The following ANKRD28 variants were observed in gnomAD, a reference collection of about 807,000 sequenced individuals.
ANKRD28 encodes the protein ankyrin repeat domain 28, also known as serine/threonine-protein phosphatase 6 regulatory ankyrin repeat subunit A.
A neutral mutation model predicts 126.5 loss-of-function variants in ANKRD28; 44 were observed. The observed-to-expected ratio is 0.35, with a 90% confidence interval of 0.27 to 0.45. The LOEUF is 0.45. ANKRD28 is among the 20% of genes least tolerant of loss of function. The pLI, the probability that ANKRD28 is intolerant of heterozygous loss-of-function variation, is 1.00. For missense variants in ANKRD28, 1,110 were observed against 1,316.6 expected, an observed-to-expected ratio of 0.84 and a Z score of 2.43; for synonymous variants, 442 against 468.5, an observed-to-expected ratio of 0.94 and a Z score of 0.73.
chr3:15,749,101 G>GTTTT (rs869266246), intron 4 of ANKRD28, among the ~76,000 whole-genome samples: 16 of 53,082 alleles, frequency 3.0e-4, no homozygotes, highest in South Asian at 7.4e-4. Flanking sequence ...TTATGTTTTT[G>GTTTT]TTTTTTTTTT....
chr3:15,819,771 T>C (rs2060904091), intron 1 of ANKRD28, among the ~76,000 whole-genome samples: 1 of 152,216 alleles, frequency 6.6e-6, no homozygotes, highest in South Asian at 2.1e-4. Flanking sequence ...CATTTTACTC[T>C]GCCAGTCTGT....
At chr3:15,755,078 T>G (rs1268356219) in intron 3 of ANKRD28, among the ~76,000 whole-genome samples, 1 of 151,892 alleles carries the variant, frequency 6.6e-6, no homozygotes, top group African/African-American at 2.4e-5. Context: ...GCAGTGAGCC[T>G]AGACCGTGCC....
upstream of ANKRD28, chr3:15,798,191 T>C: frequency 1.0e-6 from 1 of 985,260 alleles, no homozygotes; most frequent in Non-Finnish European, 1.2e-6. Flanking sequence ...ACAGTGGTTT[T>C]AGCAAGTAAA....
chr3:15,821,930 T>C (rs1042705168), intron 1 of ANKRD28, among the ~76,000 whole-genome samples: 3 of 152,202 alleles, frequency 2.0e-5, no homozygotes, highest in Non-Finnish European at 2.9e-5. Context: ...TCTTTCCCAG[T>C]GGTGTCTGTC....
chr3:15,825,484 C>T (rs1389536795), intron 1 of ANKRD28, among the ~76,000 whole-genome samples: 1 of 152,000 alleles, frequency 6.6e-6, no homozygotes, highest in Non-Finnish European at 1.5e-5. Context: ...GGCTGAACTG[C>T]ACATCGTATA....
chr3:15,819,277 C>CA (rs999825487), intron 1 of ANKRD28, among the ~76,000 whole-genome samples: 17 of 151,034 alleles, frequency 1.1e-4, no homozygotes, highest in South Asian at 8.4e-4. Context: ...GACCCTTTCT[C>CA]AAAAAAAAGA....
intron 1 of ANKRD28, among the ~76,000 whole-genome samples, chr3:15,858,458 G>T (rs1650117606): frequency 6.6e-6 from 1 of 152,138 alleles, no homozygotes; most frequent in Admixed American, 6.5e-5. Context: ...ATAGTCTCAG[G>T]TTCTTCCCCA....
chr3:15,722,540 T>C (rs2073838267), intron 7 of ANKRD28, among the ~76,000 whole-genome samples: 1 of 152,190 alleles, frequency 6.6e-6, no homozygotes, highest in African/African-American at 2.4e-5. Context: ...TTTGTGAGAC[T>C]TTCTGGTGAA....
intron 8 of ANKRD28, among the ~76,000 whole-genome samples, chr3:15,718,784 C>T (rs1265340090): frequency 1.3e-5 from 2 of 152,174 alleles, no homozygotes; most frequent in African/African-American, 2.4e-5. Flanking sequence ...GTAAACAGGT[C>T]TCACAGAGAC....
intron 27 of ANKRD28, among the ~76,000 whole-genome samples, chr3:15,671,592 T>G (rs1354068067): frequency 3.3e-5 from 5 of 150,840 alleles, no homozygotes; most frequent in African/African-American, 7.4e-5. Context: ...TTTTTTTGTT[T>G]TTTTTTTTTT....
At chr3:15,698,505 C>G (rs1308487657) in intron 14 of ANKRD28, among the ~76,000 whole-genome samples, 1 of 152,174 alleles carries the variant, frequency 6.6e-6, no homozygotes, top group African/African-American at 2.4e-5. Flanking sequence ...CGTCTCAGCT[C>G]AAAATCTCCT....
At chr3:15,786,982 T>G (rs2059811790) in intron 2 of ANKRD28, among the ~76,000 whole-genome samples, 1 of 152,110 alleles carries the variant, frequency 6.6e-6, no homozygotes, top group Non-Finnish European at 1.5e-5. Context: ...TTAAGTAGAA[T>G]TTTTGTTAAC....
chr3:15,791,554 T>C (rs999779402), intron 2 of ANKRD28, among the ~76,000 whole-genome samples: 1 of 152,212 alleles, frequency 6.6e-6, no homozygotes, highest in South Asian at 2.1e-4. Context: ...GGAAACTGGA[T>C]AAACACATGC....
intron 27 of ANKRD28, 31 bp downstream of exon 27, chr3:15,675,867 G>A: frequency 6.5e-7 from 1 of 1,532,064 alleles, no homozygotes; most frequent in Non-Finnish European, 8.9e-7. Context: ...AAAGCTCTAG[G>A]TTAAGGGAAG....
chr3:15,779,886 C>G (rs1011891972), intron 2 of ANKRD28, among the ~76,000 whole-genome samples: 2 of 152,162 alleles, frequency 1.3e-5, no homozygotes, highest in East Asian at 3.8e-4. Flanking sequence ...GGCTTACTTG[C>G]TTTTTGTAGA....
At chr3:15,728,670 G>A (rs1436174720) in intron 6 of ANKRD28, among the ~76,000 whole-genome samples, 1 of 152,130 alleles carries the variant, frequency 6.6e-6, no homozygotes, top group East Asian at 1.9e-4. Flanking sequence ...ACTCTGTTGT[G>A]GTAGTTTAGC....
At chr3:15,784,155 T>C (rs2059664451) in intron 2 of ANKRD28, among the ~76,000 whole-genome samples, 1 of 151,940 alleles carries the variant, frequency 6.6e-6, no homozygotes, top group African/African-American at 2.4e-5. Context: ...TGAACTTCTC[T>C]CTCAGAAGAA....
At chr3:15,767,569 C>G (rs2058797978) in intron 2 of ANKRD28, among the ~76,000 whole-genome samples, 1 of 151,692 alleles carries the variant, frequency 6.6e-6, no homozygotes, top group Non-Finnish European at 1.5e-5. Context: ...ACTTAAAAGA[C>G]AACTACTCTA....
chr3:15,753,976 G>A (rs578059911), intron 3 of ANKRD28, among the ~76,000 whole-genome samples: 3 of 152,094 alleles, frequency 2.0e-5, no homozygotes, highest in South Asian at 4.2e-4. Context: ...AAAAAACTGA[G>A]GAGACTCTGT....
Sources: allele counts gnomAD v4.1 joint callset (sites outside exome capture counted in the v4.1 genomes callset), GRCh38; gene constraint gnomAD v4.1.1; transcripts MANE v1.5; gene names NCBI Gene and HGNC (gene_info 2026-07-23, HGNC 2026-07-21).